Variants in SNTA1 observed in about 807,000 individuals in gnomAD.
SNTA1 encodes alpha-1-syntrophin.
A neutral mutation model predicts 47.1 loss-of-function variants in SNTA1; 31 were observed. The ratio of observed to expected loss-of-function variants is 0.66; its 90% CI spans 0.49 to 0.89. The LOEUF (loss-of-function observed/expected upper bound fraction) is 0.89, where lower values mean the gene tolerates loss of function less well. SNTA1 is among the 40% of genes least tolerant of loss of function. The pLI is 0.00. For missense variants in SNTA1, 575 were observed against 693.0 expected (o/e 0.83, Z 1.91); for synonymous variants, 300 against 313.6 (o/e 0.96, Z 0.46).
At chr20:33,422,223 G>A (rs934612832) in intron 2 of SNTA1, among the ~76,000 whole-genome samples, 4 of 150,956 alleles carry the variant, frequency 2.6e-5, no homozygotes, top group East Asian at 3.9e-4. Flanking sequence ...GGTGGATCAC[G>A]AGGTCAGGAG....
intron 3 of SNTA1, 43 bp downstream of exon 3, chr20:33,417,676 C>G: frequency 7.0e-7 from 1 of 1,438,522 alleles, no homozygotes; most frequent in East Asian, 2.3e-5. Flanking sequence ...CACCTGACGC[C>G]AGGGCATCTG....
At chr20:33,435,949 C>G (rs1188342579) in intron 2 of SNTA1, among the ~76,000 whole-genome samples, 1 of 152,166 alleles carries the variant, frequency 6.6e-6, no homozygotes, top group African/African-American at 2.4e-5. Context: ...AATCCCAGCA[C>G]TTTGGGAGGC....
intron 2 of SNTA1, among the ~76,000 whole-genome samples, chr20:33,420,534 A>C (rs1016289134): frequency 5.9e-5 from 9 of 152,128 alleles, no homozygotes; most frequent in African/African-American, 2.2e-4. Flanking sequence ...CCCTTTGCCT[A>C]ACTTCAATGC....
intron 2 of SNTA1, among the ~76,000 whole-genome samples, chr20:33,431,964 A>G (rs577112287): frequency 3.9e-5 from 6 of 152,338 alleles, no homozygotes; most frequent in African/African-American, 1.4e-4. Context: ...TCCGGGGAAC[A>G]GGCCAGGGCT....
At chr20:33,418,350 G>C (rs1237475598) in intron 2 of SNTA1, among the ~76,000 whole-genome samples, 1 of 149,940 alleles carries the variant, frequency 6.7e-6, no homozygotes, top group Non-Finnish European at 1.5e-5. Flanking sequence ...CAATCTCCCA[G>C]ATCAATCAAT....
At chr20:33,409,792 G>A (rs1274743948) in intron 6 of SNTA1, among the ~76,000 whole-genome samples, 1 of 152,008 alleles carries the variant, frequency 6.6e-6, no homozygotes, top group African/African-American at 2.4e-5. Flanking sequence ...CACCATGCCC[G>A]GCTAATTTTT....
At chr20:33,413,902 T>C (rs1322789112) in intron 3 of SNTA1, among the ~76,000 whole-genome samples, 18 of 151,620 alleles carry the variant, frequency 1.2e-4, no homozygotes. Flanking sequence ...AGGGTGCCAG[T>C]GCACTCCAGC....
At chr20:33,428,357 A>G (rs1047719689) in intron 2 of SNTA1, among the ~76,000 whole-genome samples, 5 of 152,176 alleles carry the variant, frequency 3.3e-5, no homozygotes, top group Non-Finnish European at 7.4e-5. Context: ...TGCAGTGAGC[A>G]ATGATTATGC....
Position 33,437,446 on chromosome 20 carries a change from GA to G in SNTA1, c.496+1394del, listed in dbSNP as rs1246472322. 5.6e-5 allele frequency among the ~76,000 whole-genome samples: 8 copies of G among 142,964 alleles called. No homozygotes were observed. In the South Asian group the frequency reaches 9.0e-4, roughly 16 times the overall value. The allele number at this position is 142,964 out of a possible 152,430, so 93.8% of individuals were successfully genotyped here. On this transcript the variant is annotated intron_variant, in intron 2 of 7. Transcript: ENST00000217381. ...CTGTCTCGAAAAAAAAAAAAAACAA[GA>G]AAAAAAAATGCATCCATGGCATTTA...
At position 33,410,421 on chromosome 20, in the gene SNTA1, C is replaced by T. The variant is rs1281352373; in HGVS notation, c.1041-90G>A. On this transcript the variant is annotated intron_variant, in intron 5 of 7. Coordinates refer to ENST00000217381, the MANE Select transcript of SNTA1 (RefSeq NM_003098.3). Reference sequence around the variant, plus strand: ...AGGGGCCAGTGACCTGGGAAGAAACCCTGTAAATCCTTTACCACCTAACAG... The same window carrying T: ...AGGGGCCAGTGACCTGGGAAGAAACTCTGTAAATCCTTTACCACCTAACAG... 4.9e-6 allele frequency: 4 copies of T among 817,284 alleles called. No individual in the cohort carries two copies. In the African/African-American group the frequency reaches 5.1e-5, roughly 10 times the overall value. The allele number at this position is 817,284 out of a possible 1,614,324, so 50.6% of individuals were successfully genotyped here.
intron 5 of SNTA1, among the ~76,000 whole-genome samples, chr20:33,410,611 C>A (rs1362150609): frequency 2.0e-5 from 3 of 152,158 alleles, no homozygotes; most frequent in African/African-American, 7.2e-5. Flanking sequence ...TACATGCTTC[C>A]CTGATTATCT....
At chr20:33,439,903 C>T (rs1468583974) in intron 1 of SNTA1, among the ~76,000 whole-genome samples, 1 of 151,304 alleles carries the variant, frequency 6.6e-6, no homozygotes, top group Non-Finnish European at 1.5e-5. Flanking sequence ...CCAGGTGGAT[C>T]ACCTAAGGTC....
Position 33,412,567 on chromosome 20 carries a change from G to A in SNTA1, c.909+8C>T. 6.2e-7 allele frequency: 1 copy of A among 1,612,078 alleles called. No individual in the cohort carries two copies. The highest frequency in any genetic ancestry group is 8.5e-7 in the Non-Finnish European group (1 of 1,179,284). On this transcript the variant is annotated splice_region_variant and intron_variant, in intron 4 of 7. Coordinates refer to ENST00000217381, the MANE Select transcript of SNTA1 (RefSeq NM_003098.3). The stretch of plus-strand genomic sequence containing the variant: ...GAGAGAGGGATAGGTCCCAGGCCCA[G>A]CAGGTACCTGCTCAGTTAGCCAGCC...
In SNTA1 at chr20:33,422,109, C is replaced by T. The variant is rs527546004; in HGVS notation, c.497-4186G>A. ...GCCCATACTTCCTAGGTCTCCGATT[C>T]TGTGTGTTAGGGTTGTCTCCTCCAC... On this transcript the variant is annotated intron_variant, in intron 2 of 7. Transcript: ENST00000217381. Among the ~76,000 whole-genome samples the T allele has an allele frequency of 8.5e-5, 13 of 152,058 alleles. No homozygotes were observed. The East Asian group carries it at 2.1e-3, about 25-fold the overall frequency.
rs552838856 is a variant in SNTA1, at chr20:33,431,443, T to C, written c.496+7398A>G. Among the ~76,000 whole-genome samples the C allele has an allele frequency of 6.6e-5, 10 of 151,390 alleles. No homozygotes were observed. The East Asian group carries it at 1.8e-3, about 27-fold the overall frequency. On this transcript the variant is annotated intron_variant, in intron 2 of 7. Transcript: ENST00000217381. The stretch of plus-strand genomic sequence containing the variant: ...TAATTCACAGGGATGACATTGAGGA[T>C]TCAATTAAATAACATAGGGAAGGGC...
Position 33,443,582 on chromosome 20 carries a change from C to A in SNTA1, c.39G>T (p.Leu13=). Reference sequence around the variant, plus strand: ...CCGAGCCCGCCCCGGCGCGCAGCTCCAGCAGCCCGGTGCGCGGGGCGCGCC... The same window carrying A: ...CCGAGCCCGCCCCGGCGCGCAGCTCAAGCAGCCCGGTGCGCGGGGCGCGCC... ...SGRRAPRTGL[L]ELRAGAGSGA... The change falls in exon 1 of 8, where the codon CTG becomes CTT. Residue 13 remains leucine (L), a synonymous_variant. Coordinates refer to ENST00000217381, the MANE Select transcript of SNTA1 (RefSeq NM_003098.3). The A allele has an allele frequency of 7.8e-7, 1 of 1,285,616 alleles. No individual in the cohort carries two copies. Among genetic ancestry groups the A allele is most frequent in the Non-Finnish European group, 9.9e-7 (1 of 1,013,286 alleles). The allele number at this position is 1,285,616 out of a possible 1,614,324, so 79.6% of individuals were successfully genotyped here.
At chr20:33,425,144 G>C (rs1276255137) in intron 2 of SNTA1, among the ~76,000 whole-genome samples, 1 of 151,994 alleles carries the variant, frequency 6.6e-6, no homozygotes, top group Non-Finnish European at 1.5e-5. Flanking sequence ...GGGCATGGTA[G>C]AGCACACCTG....
At position 33,425,415 on chromosome 20, in the gene SNTA1, T is replaced by C. The variant is rs143825814; in HGVS notation, c.497-7492A>G. ...TGGCTCACACCTATAATTCCAGCACTGTGGGAGGCCGAGGCAGGGGGAATC... is the reference window on the plus strand; with the variant it reads ...TGGCTCACACCTATAATTCCAGCACCGTGGGAGGCCGAGGCAGGGGGAATC... On this transcript the variant is annotated intron_variant, in intron 2 of 7. Transcript: ENST00000217381. Among the ~76,000 whole-genome samples the C allele has an allele frequency of 4.1e-3, 630 of 152,070 alleles. 8 individuals are homozygous for C. The highest frequency in any genetic ancestry group is 0.023 in the South Asian group (111 of 4,810).
intron 2 of SNTA1, among the ~76,000 whole-genome samples, chr20:33,434,930 C>T (rs573212732): frequency 2.0e-5 from 3 of 150,616 alleles, no homozygotes; most frequent in African/African-American, 2.4e-5. Context: ...AAGGGTCTTA[C>T]CCAAGGCCAA....
Sources: gnomAD v4.1 joint callset for allele counts (sites outside exome capture counted in the v4.1 genomes callset) on GRCh38, gnomAD v4.1.1 for gene constraint, MANE v1.5 for transcripts, NCBI Gene and HGNC (gene_info 2026-07-23, HGNC 2026-07-21) for gene names.